The following FXN variants were observed in gnomAD, a reference collection of about 807,000 sequenced individuals.
FXN encodes frataxin.
FXN carries 14 observed loss-of-function variants against 22.4 expected under a neutral mutation model. The ratio of observed to expected loss-of-function variants is 0.62; its 90% CI spans 0.41 to 0.98. The LOEUF (loss-of-function observed/expected upper bound fraction) is 0.98. Ranked by LOEUF, FXN falls within the 50% of genes least tolerant of loss-of-function variation. FXN has a pLI of 0.00. For synonymous variants in FXN, 120 were observed against 114.1 expected (o/e 1.05, Z -0.33); for missense variants, 267 against 268.4 (o/e 0.99, Z 0.04).
At chr9:69,037,178 CT>C (rs144412159) in intron 1 of FXN, among the ~76,000 whole-genome samples, 2,952 of 150,304 alleles carry the variant, frequency 0.02, 41 homozygotes, top group Non-Finnish European at 0.028. Context: ...AATCTCAGCA[CT>C]TTGGGAGGCC....
chr9:69,046,299 T>C (rs1831750872), intron 1 of FXN, 86 bp from the exon 2 acceptor site: 4 of 957,224 alleles, frequency 4.2e-6, no homozygotes, highest in Non-Finnish European at 6.7e-6. Flanking sequence ...GGCACTCGAA[T>C]GTAGAAGTAG....
intron 1 of FXN, among the ~76,000 whole-genome samples, chr9:69,038,679 A>G (rs1482856958): frequency 1.3e-5 from 2 of 151,914 alleles, no homozygotes; most frequent in East Asian, 1.9e-4. Context: ...CTAGCTCAGC[A>G]TGGTGGTGGG....
At chr9:69,039,687 G>A (rs1471443885) in intron 1 of FXN, among the ~76,000 whole-genome samples, 4 of 152,114 alleles carry the variant, frequency 2.6e-5, no homozygotes, top group Non-Finnish European at 2.9e-5. Flanking sequence ...GGGATGTGAC[G>A]GGGCTGCGTC....
rs143077834 is a variant in FXN at position 69,054,581 on chromosome 9, A to G, written c.384+1321A>G. Among the ~76,000 whole-genome samples, 12 of 151,848 alleles carry G rather than the reference A, an allele frequency of 7.9e-5. No individual in the cohort carries two copies. In the East Asian group the frequency reaches 2.3e-3, roughly 30 times the overall value. ...GCCTGGAGTGCAGTGGCATGATCTC[A>G]CTGCAACCTCTGCCTCTCGGGTTCA... On this transcript the variant is annotated intron_variant, in intron 3 of 4. Transcript: ENST00000484259.
intron 4 of FXN, among the ~76,000 whole-genome samples, chr9:69,069,575 G>A (rs993555121): frequency 6.6e-6 from 1 of 152,240 alleles, no homozygotes; most frequent in Non-Finnish European, 1.5e-5. Context: ...TGGCAGTGGA[G>A]GGGAACAGGG....
intron 4 of FXN, among the ~76,000 whole-genome samples, chr9:69,067,496 C>T (rs1001673800): frequency 6.6e-6 from 1 of 152,132 alleles, no homozygotes; most frequent in African/African-American, 2.4e-5. Context: ...TGCTGTGGCC[C>T]GGACAGTGGC....
In FXN at chr9:69,078,572, G is replaced by A. The variant is rs772385458; in HGVS notation, c.*5810G>A. On this transcript the variant is annotated 3_prime_UTR_variant, in exon 5 of 5. Coordinates refer to ENST00000484259, the MANE Select transcript of FXN (RefSeq NM_000144.5). ...CTTAGCCTGAAAAATGTGCTTTTCTGACTGAACTGTTCAGGCACTGACTCT... is the reference window on the plus strand; with the variant it reads ...CTTAGCCTGAAAAATGTGCTTTTCTAACTGAACTGTTCAGGCACTGACTCT... 2.0e-6 allele frequency: 2 copies of A among 985,584 alleles called. No homozygotes were observed. The highest frequency in any genetic ancestry group is 2.4e-6 in the Non-Finnish European group (2 of 829,942). The allele number at this position is 985,584 out of a possible 1,614,324, so 61.1% of individuals were successfully genotyped here.
chr9:69,069,239 C>T (rs1045491855), intron 4 of FXN, among the ~76,000 whole-genome samples: 1 of 152,164 alleles, frequency 6.6e-6, no homozygotes, highest in African/African-American at 2.4e-5. Flanking sequence ...GTGGCAGGCA[C>T]CTGTAATCCC....
Position 69,077,291 on chromosome 9 carries a change from C to T in FXN, c.*4529C>T. The T allele has an allele frequency of 4.1e-6, 4 of 985,308 alleles. No individual in the cohort carries two copies. Among genetic ancestry groups the T allele is most frequent in the Non-Finnish European group, 4.8e-6 (4 of 829,858 alleles). The allele number at this position is 985,308 out of a possible 1,614,324, so 61.0% of individuals were successfully genotyped here. A position where few individuals can be genotyped will look rare whatever the true frequency, so the allele number is the denominator to read the frequency against. On this transcript the variant is annotated 3_prime_UTR_variant, in exon 5 of 5. Coordinates refer to ENST00000484259, the MANE Select transcript of FXN (RefSeq NM_000144.5). ...ATCCCGAAGTACCTGATCAGTGGCC[C>T]CTTTGGAATGTGTAAAACTCAGCTC...
chr9:69,040,753 C>T (rs966887093), intron 1 of FXN, among the ~76,000 whole-genome samples: 1 of 152,146 alleles, frequency 6.6e-6, no homozygotes, highest in Non-Finnish European at 1.5e-5. Flanking sequence ...TGTGTCACCC[C>T]ACCATTCATA....
chr9:69,036,796 A>G (rs188272571), intron 1 of FXN, among the ~76,000 whole-genome samples: 39 of 152,322 alleles, frequency 2.6e-4, no homozygotes, highest in African/African-American at 8.7e-4. Context: ...AGGAAACCCA[A>G]AGAATGGCTG....
intron 3 of FXN, among the ~76,000 whole-genome samples, chr9:69,059,683 G>A (rs1347628065): frequency 6.6e-6 from 1 of 152,066 alleles, no homozygotes; most frequent in Admixed American, 6.5e-5. Flanking sequence ...TGGCATTAGA[G>A]GTGTGAGTCA....
chr9:69,067,623 C>T (rs1832194815), intron 4 of FXN, among the ~76,000 whole-genome samples: 1 of 152,148 alleles, frequency 6.6e-6, no homozygotes, highest in Non-Finnish European at 1.5e-5. Context: ...ACAACAACAA[C>T]AACAACAAAA....
chr9:69,053,471 A>AGATT (rs1831893909), intron 3 of FXN, among the ~76,000 whole-genome samples: 1 of 140,266 alleles, frequency 7.1e-6, no homozygotes, highest in South Asian at 2.4e-4. Context: ...ACTCTGTCAT[A>AGATT]GATGGATGGA....
intron 4 of FXN, among the ~76,000 whole-genome samples, chr9:69,069,725 G>C (rs547583750): frequency 6.6e-6 from 1 of 152,360 alleles, no homozygotes; most frequent in East Asian, 1.9e-4. Flanking sequence ...TGCAGCTGAT[G>C]CTGCCCGCTC....
intron 4 of FXN, 124 bp from the exon 5 acceptor site, chr9:69,072,488 C>A (rs1186825226): frequency 3.9e-6 from 6 of 1,550,224 alleles, no homozygotes; most frequent in Non-Finnish European, 5.3e-6. Flanking sequence ...TATACACTAG[C>A]TCATTTTGTG....
In FXN at chr9:69,076,125, G is replaced by A; in HGVS notation, c.*3363G>A. ...GAATTACAAAGAAGGAATGAGGTGT[G>A]TAAAAGAGAACCTGGGTTTTTGAAT... On this transcript the variant is annotated 3_prime_UTR_variant, in exon 5 of 5. Transcript: ENST00000484259. 4.3e-5 allele frequency: 42 copies of A among 985,018 alleles called. No individual in the cohort carries two copies. Among genetic ancestry groups the A allele is most frequent in the Non-Finnish European group, 5.1e-5 (42 of 829,666 alleles). The allele number at this position is 985,018 out of a possible 1,614,324, so 61.0% of individuals were successfully genotyped here. A position where few individuals can be genotyped will look rare whatever the true frequency, so the allele number is the denominator to read the frequency against.
intron 4 of FXN, among the ~76,000 whole-genome samples, chr9:69,070,738 T>C (rs1832258914): frequency 6.6e-6 from 1 of 152,006 alleles, no homozygotes; most frequent in Non-Finnish European, 1.5e-5. Flanking sequence ...TGTTTTTTTT[T>C]CTCTCAGCCT....
At chr9:69,062,478 A>C (rs896658847) in intron 3 of FXN, among the ~76,000 whole-genome samples, 2 of 152,174 alleles carry the variant, frequency 1.3e-5, no homozygotes, top group African/African-American at 4.8e-5. Context: ...GGTTTCAGGA[A>C]AAAAAATGTT....
Sources: allele counts gnomAD v4.1 joint callset (sites outside exome capture counted in the v4.1 genomes callset), GRCh38; gene constraint gnomAD v4.1.1; transcripts MANE v1.5; gene names NCBI Gene and HGNC (gene_info 2026-07-23, HGNC 2026-07-21).